CRTC2: variants seen among roughly 807,000 people sequenced by gnomAD.
CRTC2 encodes the protein CREB regulated transcription coactivator 2, also known as CREB-regulated transcription coactivator 2.
A neutral mutation model predicts 70.9 loss-of-function variants in CRTC2; 25 were observed. The observed-to-expected ratio is 0.35, with a 90% confidence interval of 0.26 to 0.49. CRTC2 has a LOEUF of 0.49. CRTC2 is among the 20% of genes least tolerant of loss of function. The pLI is 0.98. For missense variants in CRTC2, 737 were observed against 882.6 expected (o/e 0.83, Z 2.09); for synonymous variants, 330 against 364.1 (o/e 0.91, Z 1.07).
In CRTC2 at chr1:153,953,603, C is replaced by T. The variant is rs566049874; in HGVS notation, c.438G>A (p.Thr146=). 2.6e-5 allele frequency: 42 copies of T among 1,606,804 alleles called. No homozygotes were observed. The highest frequency in any genetic ancestry group is 2.1e-4 in the South Asian group (19 of 90,306). ...SPPPESSWRR[T]MAWGNFPAEK... is the part of the protein sequence containing the mutation. ...CTGCAGGGAAATTGCCCCAGGCCAT[C>T]GTCCTGGGGTAGAAAAACAAAGTCA... Residue 146 remains threonine (T), a synonymous_variant, in exon 5 of 14, where the codon ACG becomes ACA. Transcript: ENST00000368633.
At chr1:153,948,797 G>A in intron 12 of CRTC2, 153 bp from the exon 13 acceptor site, 1 of 888,472 alleles carries the variant, frequency 1.1e-6, no homozygotes, top group East Asian at 2.6e-5. Context: ...AGCGACAGAA[G>A]CGAGCACGGG....
Position 153,954,938 on chromosome 1 carries a change from G to A in CRTC2, c.307C>T (p.Leu103=). 6.2e-7 allele frequency: 1 copy of A among 1,614,164 alleles called. No homozygotes were observed. The highest frequency in any genetic ancestry group is 8.5e-7 in the Non-Finnish European group (1 of 1,180,028). Residue 103 remains leucine, a synonymous_variant, in exon 3 of 14, where the codon CTG becomes TTG. Transcript: ENST00000368633. ...DSSRSTRHHG[L]VERVQRDPRR... is the part of the protein sequence containing the mutation. ...GGATCTCGCTGCACCCGTTCCACCA[G>A]CCCATGGTGCCGAGTGCTCCGAGAT...
At chr1:153,949,564 T>G (rs530762432) in intron 11 of CRTC2, among the ~76,000 whole-genome samples, 180 bp from the exon 12 acceptor site, 1 of 152,166 alleles carries the variant, frequency 6.6e-6, no homozygotes, top group African/African-American at 2.4e-5. Flanking sequence ...TGTGTATTAG[T>G]TGGCAGGGTG....
intron 12 of CRTC2, chr1:153,948,845 G>C (rs1680166350): frequency 1.3e-6 from 1 of 751,610 alleles, no homozygotes; most frequent in East Asian, 2.7e-5. Flanking sequence ...TGCTGGGCCA[G>C]AGCATGTGCA....
At chr1:153,950,426 A>G (rs1327876264) in intron 11 of CRTC2, among the ~76,000 whole-genome samples, 1 of 152,224 alleles carries the variant, frequency 6.6e-6, no homozygotes, top group East Asian at 1.9e-4. Context: ...CTTTCCTACA[A>G]AAGAGGGGAC....
intron 10 of CRTC2, 164 bp from the exon 11 acceptor site, chr1:153,951,830 T>C (rs1474062168): frequency 1.9e-6 from 2 of 1,078,626 alleles, no homozygotes; most frequent in African/African-American, 3.2e-5. Flanking sequence ...GCCCTTCCTC[T>C]TCTTTCTAGG....
intron 1 of CRTC2, 96 bp downstream of exon 1, chr1:153,958,249 G>C (rs1680742921): frequency 9.3e-6 from 14 of 1,511,504 alleles, no homozygotes; most frequent in Non-Finnish European, 1.2e-5. Context: ...GCTCTGTTCC[G>C]CCTCCTTCGC....
In CRTC2 at chr1:153,952,031, G is replaced by C; in HGVS notation, c.984C>G (p.Gly328=). ...ACAGTCACTCACCTGGTGCATCATA[G>C]CCTGGGCCCAGGCCCATGCCCCTGC... ...GISRGMGLGP[G]YDAPGLHSPL... is the part of the protein sequence containing the mutation. Residue 328 remains glycine, a synonymous_variant, in exon 10 of 14, where the codon GGC becomes GGG. Coordinates refer to ENST00000368633, the MANE Select transcript of CRTC2 (RefSeq NM_181715.3). 1 of 1,613,632 alleles carries C rather than the reference G, an allele frequency of 6.2e-7. No individual in the cohort carries two copies. Among genetic ancestry groups the C allele is most frequent in the Non-Finnish European group, 8.5e-7 (1 of 1,179,900 alleles).
At chr1:153,950,007 A>C (rs1270678880) in intron 11 of CRTC2, among the ~76,000 whole-genome samples, 4 of 152,158 alleles carry the variant, frequency 2.6e-5, no homozygotes, top group Non-Finnish European at 5.9e-5. Context: ...CATAGTTGGA[A>C]CTGTAGCATC....
rs1680757952 is a variant in CRTC2 at position 153,958,416 on chromosome 1, G to A, written c.82C>T (p.Leu28=). The change falls in exon 1 of 14, where the codon CTG becomes TTG. Residue 28 remains leucine (L), a synonymous_variant. Transcript: ENST00000368633. ...NPRKFSEKIA[L]QKQRQAEETA... is the part of the protein sequence containing the mutation. ...TCCTCGGCCTGACGCTGCTTCTGCA[G>A]CGCAATCTTCTCACTAAATTTGCGC... 6.2e-7 allele frequency: 1 copy of A among 1,613,360 alleles called. No individual in the cohort carries two copies. Among genetic ancestry groups the A allele is most frequent in the African/African-American group, 1.3e-5 (1 of 74,926 alleles).
Position 153,951,270 on chromosome 1 carries a change from G to C in CRTC2, c.1394C>G (p.Ser465Cys). ...FSPTMSPTLS[S>C]ITQGVPLDTS... is the part of the protein sequence containing the mutation. ...GGCAGCCACGCATACCTGAGTGATG[G>C]AAGACAAGGTGGGTGACATTGTTGG... The change falls in exon 11 of 14, where the codon TCC (serine) becomes TGC (cysteine). Residue 465 changes from serine to cysteine, a missense_variant. Ser to Cys is a moderately radical substitution (Grantham distance 112). Coordinates refer to ENST00000368633, the MANE Select transcript of CRTC2 (RefSeq NM_181715.3). 6.2e-7 allele frequency: 1 copy of C among 1,614,020 alleles called. No individual in the cohort carries two copies. Among genetic ancestry groups the C allele is most frequent in the South Asian group, 1.1e-5 (1 of 91,034 alleles).
At chr1:153,955,263 C>G in intron 1 of CRTC2, 97 bp from the exon 2 acceptor site, 2 of 902,146 alleles carry the variant, frequency 2.2e-6, no homozygotes, top group Non-Finnish European at 3.6e-6. Flanking sequence ...ATGCTGCTGC[C>G]GCCACTGCTT....
At chr1:153,958,231 C>A in intron 1 of CRTC2, 114 bp downstream of exon 1, 1 of 1,448,498 alleles carries the variant, frequency 6.9e-7, no homozygotes, top group Middle Eastern at 2.5e-4. Context: ...GCGGCGCCCG[C>A]GTCCCCTGCT....
chr1:153,958,542 G>T lies in CRTC2; in HGVS notation c.-45C>A. 6.5e-7 allele frequency: 1 copy of T among 1,529,576 alleles called. No homozygotes were observed. The highest frequency in any genetic ancestry group is 8.8e-7 in the Non-Finnish European group (1 of 1,137,676). 94.8% of individuals were successfully genotyped at this position (1,529,576 alleles called of 1,614,324 possible). A position where few individuals can be genotyped will look rare whatever the true frequency, so the allele number is the denominator to read the frequency against. On this transcript the variant is annotated 5_prime_UTR_variant, in exon 1 of 14. Transcript: ENST00000368633. ...CTGCCACCCTCCCAGTACCAGCCGC[G>T]GCCTCCGCCGCGGCCTCGGCCCGGC...
In CRTC2 at chr1:153,949,522, T is replaced by C. The variant is rs1317947361; in HGVS notation, c.1405-138A>G. On this transcript the variant is annotated intron_variant, in intron 11 of 13. Transcript: ENST00000368633. ...CATTCCACATTCTCACGGGCATCCC[T>C]GGGGTTGAGTGCAGTTACTCAACCC... 87 of 904,798 alleles carry C rather than the reference T, an allele frequency of 9.6e-5. No homozygotes were observed. The South Asian group carries it at 1.5e-3, about 16-fold the overall frequency. The allele number at this position is 904,798 out of a possible 1,614,324, so 56.0% of individuals were successfully genotyped here.
chr1:153,948,288 G>A lies in CRTC2; in HGVS notation c.1903C>T (p.Leu635=), dbSNP rs1205685924. ...ACCTCAAAGCCAGGCACTCCGGCCA[G>A]GGCTGCTGCAATCTCCTTAGAGAAA... ...PGFSKEIAAA[L]AGVPGFEVSA... is the part of the protein sequence containing the mutation. The change falls in exon 14 of 14, where the codon CTG becomes TTG. Residue 635 remains leucine (L), a synonymous_variant. Coordinates refer to ENST00000368633, the MANE Select transcript of CRTC2 (RefSeq NM_181715.3). 1.9e-6 allele frequency: 3 copies of A among 1,614,168 alleles called. No homozygotes were observed. The highest frequency in any genetic ancestry group is 1.3e-5 in the African/African-American group (1 of 74,962).
At chr1:153,954,225 C>G in intron 4 of CRTC2, 30 bp downstream of exon 4, 2 of 1,570,542 alleles carry the variant, frequency 1.3e-6, no homozygotes, top group Non-Finnish European at 1.8e-6. Context: ...AGAGAGTAGG[C>G]AGGAGCTTCT....
In CRTC2 at chr1:153,958,215, C is replaced by T. The variant is rs1680740158; in HGVS notation, c.153+130G>A. On this transcript the variant is annotated intron_variant, in intron 1 of 13. Coordinates refer to ENST00000368633, the MANE Select transcript of CRTC2 (RefSeq NM_181715.3). ...CCCTCGGCCCTCAACCTGCGCCTCC[C>T]AAACGGCGGCGCCCGCGTCCCCTGC... 3.5e-6 allele frequency: 5 copies of T among 1,438,662 alleles called. No homozygotes were observed. The South Asian group carries it at 7.2e-5, about 21-fold the overall frequency. The allele number at this position is 1,438,662 out of a possible 1,614,324, so 89.1% of individuals were successfully genotyped here.
chr1:153,953,829 A>G (rs1022278806), intron 4 of CRTC2, among the ~76,000 whole-genome samples: 1 of 152,146 alleles, frequency 6.6e-6, no homozygotes, highest in Non-Finnish European at 1.5e-5. Flanking sequence ...CTGAATGGGA[A>G]TCTTGGAGCC....
Sources: allele counts gnomAD v4.1 joint callset (sites outside exome capture counted in the v4.1 genomes callset), GRCh38; gene constraint gnomAD v4.1.1; transcripts MANE v1.5; gene names NCBI Gene and HGNC (gene_info 2026-07-23, HGNC 2026-07-21).